The following FAP variants were observed in gnomAD, a reference collection of about 807,000 sequenced individuals.
FAP encodes prolyl endopeptidase FAP.
Under a neutral mutation model 126.5 loss-of-function variants are expected in FAP, and 110 were observed. The ratio of observed to expected loss-of-function variants is 0.87; its 90% CI spans 0.74 to 1.02. FAP has a LOEUF of 1.02. FAP is among the 50% of genes least tolerant of loss of function. The pLI is 0.00. For missense variants in FAP, 919 were observed against 909.2 expected, an observed-to-expected ratio of 1.01 and a Z score of -0.14; for synonymous variants, 334 against 297.3, an observed-to-expected ratio of 1.12 and a Z score of -1.27.
chr2:162,231,149 AGACTT>A (rs1689884998), intron 2 of FAP, among the ~76,000 whole-genome samples: 1 of 152,202 alleles, frequency 6.6e-6, no homozygotes, highest in Non-Finnish European at 1.5e-5. Context: ...ACCCCAGACT[AGACTT>A]AAGTAAGATT....
intron 20 of FAP, among the ~76,000 whole-genome samples, chr2:162,185,091 CA>C (rs1280961708): frequency 6.6e-6 from 1 of 152,162 alleles, no homozygotes; most frequent in East Asian, 1.9e-4. Context: ...CTATAAAATT[CA>C]CCTTCAAATT....
At chr2:162,238,876 G>T (rs1282436993) in intron 2 of FAP, among the ~76,000 whole-genome samples, 1 of 152,092 alleles carries the variant, frequency 6.6e-6, no homozygotes, top group Non-Finnish European at 1.5e-5. Context: ...CTAAAATTCA[G>T]ACTTTCCAAA....
intron 20 of FAP, among the ~76,000 whole-genome samples, chr2:162,183,868 T>G (rs777821651): frequency 6.6e-6 from 1 of 152,176 alleles, no homozygotes; most frequent in Admixed American, 6.6e-5. Flanking sequence ...CTGCTTTAAA[T>G]TATATTAATT....
At chr2:162,193,522 C>T (rs145049099) in intron 17 of FAP, 87 of 152,162 alleles carry the variant, frequency 5.7e-4, no homozygotes, top group African/African-American at 1.8e-3. Flanking sequence ...GAAAGGCTGG[C>T]TATTATTTTG....
At chr2:162,176,876 G>A (rs1687505579) in intron 21 of FAP, among the ~76,000 whole-genome samples, 1 of 152,082 alleles carries the variant, frequency 6.6e-6, no homozygotes. Context: ...TTCAGTCATT[G>A]GGTGATAGTG....
chr2:162,188,896 G>A (rs895822754), intron 19 of FAP, among the ~76,000 whole-genome samples: 3 of 152,032 alleles, frequency 2.0e-5, no homozygotes, highest in African/African-American at 7.2e-5. Context: ...CACAGCAAAT[G>A]CAAGCAAGTC....
At chr2:162,181,350 A>T (rs1687690468) in intron 21 of FAP, among the ~76,000 whole-genome samples, 1 of 152,162 alleles carries the variant, frequency 6.6e-6, no homozygotes, top group Admixed American at 6.5e-5. Flanking sequence ...TGTCACAGGC[A>T]TGCACAAATC....
At chr2:162,198,523 C>A in intron 16 of FAP, 3 of 702,710 alleles carry the variant, frequency 4.3e-6, no homozygotes, top group Non-Finnish European at 6.6e-6. Context: ...AGCTGCAGTG[C>A]GGACCTTTTG....
At chr2:162,217,148 A>T (rs1017381407) in intron 9 of FAP, among the ~76,000 whole-genome samples, 26 of 152,222 alleles carry the variant, frequency 1.7e-4, no homozygotes, top group Non-Finnish European at 3.2e-4. Context: ...CTTGCTTAGA[A>T]TTCACTTGTG....
rs1385128940 is a variant in FAP at position 162,198,374 on chromosome 2, CT to C, written c.1402+382del. ...GCAACCATTTTATCAGAGAACATTT[CT>C]TTTTCTGCGATTGCTCAGGTCTTGC... On this transcript the variant is annotated intron_variant, in intron 16 of 25. Coordinates refer to ENST00000188790, the MANE Select transcript of FAP (RefSeq NM_004460.5). 5.5e-6 allele frequency: 7 copies of C among 1,277,520 alleles called. No homozygotes were observed. In the East Asian group the frequency reaches 2.7e-4, roughly 50 times the overall value. 79.1% of individuals were successfully genotyped at this position (1,277,520 alleles called of 1,614,324 possible). A position where few individuals can be genotyped will look rare whatever the true frequency, so the allele number is the denominator to read the frequency against.
chr2:162,170,953 G>A lies in FAP; in HGVS notation c.*26C>T. 1.9e-6 allele frequency: 3 copies of A among 1,565,172 alleles called. No homozygotes were observed. The highest frequency in any genetic ancestry group is 2.6e-6 in the Non-Finnish European group (3 of 1,136,626). On this transcript the variant is annotated 3_prime_UTR_variant, in exon 26 of 26. Transcript: ENST00000188790. ...GGTTTATATAAGGTTTTCAGATTCT[G>A]ATACAGGCTTGCATCTGCATCGTTT...
chr2:162,213,549 T>A (rs1161599263), intron 11 of FAP, among the ~76,000 whole-genome samples: 1 of 152,110 alleles, frequency 6.6e-6, no homozygotes, highest in Non-Finnish European at 1.5e-5. Flanking sequence ...GTTCTTTTGT[T>A]TAAAACATAT....
intron 10 of FAP, among the ~76,000 whole-genome samples, chr2:162,215,516 G>A (rs981417035): frequency 6.6e-6 from 1 of 152,134 alleles, no homozygotes; most frequent in African/African-American, 2.4e-5. Context: ...TTTGGAGAGG[G>A]TCAGCTTATC....
chr2:162,178,748 C>CA (rs71009353), intron 21 of FAP, among the ~76,000 whole-genome samples: 1 of 152,064 alleles, frequency 6.6e-6, no homozygotes, highest in East Asian at 1.9e-4. Flanking sequence ...CAATTGACTC[C>CA]AAAAAATTTT....
At chr2:162,185,452 C>T (rs756461870) in intron 20 of FAP, among the ~76,000 whole-genome samples, 3 of 152,094 alleles carry the variant, frequency 2.0e-5, no homozygotes, top group Non-Finnish European at 4.4e-5. Flanking sequence ...GCCCTTATAA[C>T]CACCAAAGTT....
At chr2:162,190,717 T>A (rs1688014427) in intron 17 of FAP, among the ~76,000 whole-genome samples, 1 of 152,062 alleles carries the variant, frequency 6.6e-6, no homozygotes, top group African/African-American at 2.4e-5. Context: ...GTGAGGTATA[T>A]CTATTGCTAC....
chr2:162,211,150 G>T (rs1688918738), intron 11 of FAP, among the ~76,000 whole-genome samples: 1 of 152,180 alleles, frequency 6.6e-6, no homozygotes, highest in African/African-American at 2.4e-5. Flanking sequence ...GCCCATAAAA[G>T]CCTCTCTTAC....
intron 2 of FAP, among the ~76,000 whole-genome samples, chr2:162,235,344 T>C (rs1690083528): frequency 6.6e-6 from 1 of 152,142 alleles, no homozygotes; most frequent in South Asian, 2.1e-4. Context: ...GCGGCTCCGG[T>C]GCGAGATCCA....
intron 11 of FAP, 33 bp from the exon 12 acceptor site, chr2:162,210,029 T>C (rs1299586129): frequency 1.4e-5 from 23 of 1,595,104 alleles, no homozygotes; most frequent in Non-Finnish European, 2.0e-5. Context: ...GAACATAGTA[T>C]TAGGAGAACA....
Sources: allele counts gnomAD v4.1 joint callset (sites outside exome capture counted in the v4.1 genomes callset), GRCh38; gene constraint gnomAD v4.1.1; transcripts MANE v1.5; gene names NCBI Gene and HGNC (gene_info 2026-07-23, HGNC 2026-07-21).